Variants in ABCC2 observed in about 807,000 individuals in gnomAD.
The protein encoded by ABCC2 is ATP binding cassette subfamily C member 2, also known as ATP-binding cassette sub-family C member 2.
Under a neutral mutation model 173.4 loss-of-function variants are expected in ABCC2, and 157 were observed. The ratio of observed to expected loss-of-function variants is 0.91; its 90% CI spans 0.80 to 1.03. ABCC2 has a LOEUF of 1.03. Among genes scored for constraint, ABCC2 ranks in the 50% least tolerant of loss-of-function variants. The pLI is 0.00. For synonymous variants in ABCC2, 657 were observed against 693.5 expected, an observed-to-expected ratio of 0.95 and a Z score of 0.83; for missense variants, 1,822 against 1,852.3, an observed-to-expected ratio of 0.98 and a Z score of 0.30.
intron 16 of ABCC2, 75 bp from the exon 17 acceptor site, chr10:99,817,233 C>G (rs2038436421): frequency 2.1e-6 from 3 of 1,440,480 alleles, no homozygotes; most frequent in African/African-American, 2.8e-5. Flanking sequence ...TTCTTCCCCT[C>G]TCCAGCCACC....
chr10:99,803,003 C>A (rs542517180), intron 9 of ABCC2, among the ~76,000 whole-genome samples: 1 of 152,338 alleles, frequency 6.6e-6, no homozygotes, highest in South Asian at 2.1e-4. Context: ...GAGTCTCACT[C>A]TGTAGCCCAG....
In ABCC2 at chr10:99,814,146, C is replaced by CAT. The variant is rs762516358; in HGVS notation, c.2094+1003_2094+1004dup. Among the ~76,000 whole-genome samples, 58 of 21,500 alleles carry CAT rather than the reference C, an allele frequency of 2.7e-3. 10 individuals carry two copies. Among genetic ancestry groups the CAT allele is most frequent in the Middle Eastern group, 0.048 (2 of 42 alleles). 14.1% of individuals were successfully genotyped at this position (21,500 alleles called of 152,430 possible). On this transcript the variant is annotated intron_variant, in intron 16 of 31. Coordinates refer to ENST00000647814, the MANE Select transcript of ABCC2 (RefSeq NM_000392.5). ...ACACATATGTGTGTATATATACACA[C>CAT]ATGTATGTATACACACGTATATATA... is the stretch of plus-strand genomic sequence containing the variant.
chr10:99,807,593 C>T, intron 12 of ABCC2, 72 bp downstream of exon 12: 7 of 1,602,310 alleles, frequency 4.4e-6, no homozygotes, highest in South Asian at 1.1e-5. Context: ...AGGAAGTTCA[C>T]TTTTGATAGA....
At chr10:99,800,663 C>T in intron 9 of ABCC2, 100 bp downstream of exon 9, 4 of 1,353,374 alleles carry the variant, frequency 3.0e-6, no homozygotes, top group Non-Finnish European at 4.2e-6. Flanking sequence ...GGTAACTTAT[C>T]TCAACACTTA....
chr10:99,782,795 CA>C lies in ABCC2; in HGVS notation c.-49del. On this transcript the variant is annotated 5_prime_UTR_variant, in exon 1 of 32. The change abolishes the stop of an existing upstream ORF in the 5' untranslated region. Transcript: ENST00000647814. The stretch of plus-strand genomic sequence containing the variant: ...GATGAAACAAGTAAAGAAGAAACAA[CA>C]CAATCATATTAATAGAAGAGTCTTC... 6.3e-7 allele frequency: 1 copy of C among 1,597,626 alleles called. No individual in the cohort carries two copies. Among genetic ancestry groups the C allele is most frequent in the Non-Finnish European group, 8.6e-7 (1 of 1,164,960 alleles).
At chr10:99,825,071 T>G (rs78567915) in intron 19 of ABCC2, among the ~76,000 whole-genome samples, 2,705 of 93,368 alleles carry the variant, frequency 0.029, no homozygotes, top group East Asian at 0.047. Flanking sequence ...AACTGGAACT[T>G]TAATGCCATC....
At chr10:99,814,319 A>G (rs1340386238) in intron 16 of ABCC2, among the ~76,000 whole-genome samples, 2 of 143,158 alleles carry the variant, frequency 1.4e-5, no homozygotes, top group South Asian at 2.2e-4. Context: ...GTATATACAC[A>G]CGTATGTATA....
chr10:99,833,799 A>G (rs995466011), intron 23 of ABCC2, among the ~76,000 whole-genome samples: 15 of 152,214 alleles, frequency 9.9e-5, no homozygotes, highest in African/African-American at 3.6e-4. Context: ...TAGAATCAAT[A>G]TAATCCCCAC....
chr10:99,830,395 G>A lies in ABCC2; in HGVS notation c.2709G>A (p.Met903Ile). 1.9e-6 allele frequency: 3 copies of A among 1,614,226 alleles called. No homozygotes were observed. The highest frequency in any genetic ancestry group is 1.7e-6 in the Non-Finnish European group (2 of 1,180,028). Residue 903 changes from methionine (M) to isoleucine (I), a missense_variant, in exon 20 of 32, where the codon ATG (methionine) becomes ATA (isoleucine). Met to Ile is a conservative substitution (Grantham distance 10). Transcript: ENST00000647814. ...EIPEDAASIT[M>I]RRENSFRRTL... Reference sequence around the variant, plus strand: ...CCGAAGATGCAGCCTCCATAACCATGAGAAGAGAGAACAGCTTTCGTCGAA... The same window carrying A: ...CCGAAGATGCAGCCTCCATAACCATAAGAAGAGAGAACAGCTTTCGTCGAA...
chr10:99,824,164 T>G (rs1189824060), intron 19 of ABCC2, among the ~76,000 whole-genome samples: 1 of 152,162 alleles, frequency 6.6e-6, no homozygotes, highest in Non-Finnish European at 1.5e-5. Context: ...GAGTCTCCTC[T>G]TAAGATAGAG....
At chr10:99,817,066 T>C (rs1031843157) in intron 16 of ABCC2, among the ~76,000 whole-genome samples, 6 of 152,138 alleles carry the variant, frequency 3.9e-5, no homozygotes, top group Non-Finnish European at 8.8e-5. Flanking sequence ...ATTTTCAGGA[T>C]CATGGCTGAA....
In ABCC2 at chr10:99,831,681, C is replaced by A; in HGVS notation, c.2954C>A (p.Ala985Glu). The part of the protein sequence containing the change: ...GLFSIFFIIL[A>E]FVMNSVAFIG... ...TTTTCGATATTCTTCATCATCCTTGCGTTTGTGATGAATTCTGTGGCTTTT... is the reference window on the plus strand; with the variant it reads ...TTTTCGATATTCTTCATCATCCTTGAGTTTGTGATGAATTCTGTGGCTTTT... Residue 985 changes from alanine (A) to glutamate (E), a missense_variant, in exon 22 of 32, where the codon GCG (alanine) becomes GAG (glutamate). By Grantham distance (107) the Ala-to-Glu change is moderately radical. Coordinates refer to ENST00000647814, the MANE Select transcript of ABCC2 (RefSeq NM_000392.5). The A allele has an allele frequency of 6.2e-7, 1 of 1,614,134 alleles. No individual in the cohort carries two copies. The highest frequency in any genetic ancestry group is 8.5e-7 in the Non-Finnish European group (1 of 1,180,012).
rs1590182630 is a variant in ABCC2, at chr10:99,831,835, G to A, written c.3103+5G>A. ...GAGCTCTGGGATTAGCCCAAGGTAT[G>A]TCTGATGGCTATGACATCTTACAGA... On this transcript the variant is annotated splice_donor_5th_base_variant and intron_variant, in intron 22 of 31. Coordinates refer to ENST00000647814, the MANE Select transcript of ABCC2 (RefSeq NM_000392.5). 1 of 1,613,962 alleles carries A rather than the reference G, an allele frequency of 6.2e-7. No individual in the cohort carries two copies. The highest frequency in any genetic ancestry group is 8.5e-7 in the Non-Finnish European group (1 of 1,179,818).
chr10:99,841,116 T>G (rs796817884), intron 25 of ABCC2, among the ~76,000 whole-genome samples: 25 of 152,312 alleles, frequency 1.6e-4, no homozygotes, highest in African/African-American at 5.8e-4. Context: ...CTCAGCTTCT[T>G]CTTCCCCTTT....
chr10:99,789,709 C>CAAAAAAA (rs11412117), intron 2 of ABCC2, among the ~76,000 whole-genome samples: 4 of 98,138 alleles, frequency 4.1e-5, no homozygotes, highest in South Asian at 3.5e-4. Context: ...AACTCCGTCT[C>CAAAAAAA]AAAAAAAAAA....
At position 99,792,349 on chromosome 10, in the gene ABCC2, T is replaced by C. The variant is rs1419747426; in HGVS notation, c.323T>C (p.Leu108Pro). The C allele has an allele frequency of 3.1e-6, 5 of 1,613,912 alleles. No homozygotes were observed. In the African/African-American group the frequency reaches 4.0e-5, roughly 13 times the overall value. The change falls in exon 3 of 32, where the codon CTA (leucine) becomes CCA (proline). Residue 108 changes from leucine (L) to proline (P), a missense_variant. Transcript: ENST00000647814. ...CGATATACCAATCCAAGCCTCTACCTAGGCACATGGGTAAGACCTATACCA... is the reference window on the plus strand; with the variant it reads ...CGATATACCAATCCAAGCCTCTACCCAGGCACATGGGTAAGACCTATACCA... ...AVRYTNPSLY[L>P]GTWLLVLLIQ...
chr10:99,846,051 A>G (rs749225523), intron 29 of ABCC2, among the ~76,000 whole-genome samples: 4 of 152,244 alleles, frequency 2.6e-5, no homozygotes, highest in Non-Finnish European at 5.9e-5. Flanking sequence ...TAGCGTTGCT[A>G]TAGCCCATCA....
At chr10:99,836,416 T>C (rs1046138781) in intron 25 of ABCC2, 126 bp downstream of exon 25, 5 of 998,450 alleles carry the variant, frequency 5.0e-6, no homozygotes, top group Non-Finnish European at 7.7e-6. Context: ...ACTGTCATGC[T>C]ATGTAAGTGG....
chr10:99,833,055 CTT>C (rs1403261640), intron 23 of ABCC2, among the ~76,000 whole-genome samples: 2 of 152,212 alleles, frequency 1.3e-5, no homozygotes, highest in East Asian at 1.9e-4. Flanking sequence ...GCTCTGGACT[CTT>C]GTTTGTTGGT....
Sources: gnomAD v4.1 joint callset for allele counts (sites outside exome capture counted in the v4.1 genomes callset) on GRCh38, gnomAD v4.1.1 for gene constraint, MANE v1.5 for transcripts, NCBI Gene and HGNC (gene_info 2026-07-23, HGNC 2026-07-21) for gene names.